Variants in CYFIP1 observed in about 807,000 individuals in gnomAD.
CYFIP1 encodes the protein cytoplasmic FMR1 interacting protein 1.
CYFIP1 carries 58 observed loss-of-function variants against 163.5 expected under a neutral mutation model. The observed-to-expected ratio is 0.35, with a 90% CI of 0.29 to 0.44. The LOEUF is 0.44. CYFIP1 is among the 20% of genes least tolerant of loss of function. The pLI is 1.00. For synonymous variants in CYFIP1, 663 were observed against 660.7 expected (o/e 1.00, Z -0.05); for missense variants, 1,338 against 1,653.8 (o/e 0.81, Z 3.31).
intron 1 of CYFIP1, among the ~76,000 whole-genome samples, chr15:22,968,255 G>A (rs1171148657): frequency 2.0e-5 from 3 of 152,146 alleles, no homozygotes; most frequent in African/African-American, 7.2e-5. Flanking sequence ...CCAGTTTTTG[G>A]TCCAACTCCA....
At position 22,933,827 on chromosome 15, in the gene CYFIP1, C is replaced by T. The variant is rs778294512; in HGVS notation, c.967G>A (p.Ala323Thr). The part of the protein sequence containing the change: ...IELARYIKTS[A>T]HYEENKSRWT... ...CGAGATTTATTTTCCTCGTAGTGGG[C>T]GCTGGTCTTGATATATCTTGCCAGT... Residue 323 changes from alanine to threonine, a missense_variant, in exon 10 of 31, where the codon GCC becomes ACC. Around this residue, in one of 4 missense-constraint regions of CYFIP1, gnomAD observed 824 missense variants for 995.7 expected, o/e 0.83. Transcript: ENST00000617928. 15 of 1,613,116 alleles carry T rather than the reference C, an allele frequency of 9.3e-6. No homozygotes were observed. Among genetic ancestry groups the T allele is most frequent in the South Asian group, 4.4e-5 (4 of 90,944 alleles).
chr15:22,875,371 A>G, intron 26 of CYFIP1, 100 bp from the exon 27 acceptor site: 1 of 967,966 alleles, frequency 1.0e-6, no homozygotes, highest in South Asian at 1.3e-5. Flanking sequence ...AGCATAAAAT[A>G]AACTCTGTAA....
chr15:22,952,659 C>CAAAAAAAAAAAAAAAAAAAAAAAA lies in CYFIP1; in HGVS notation c.-6-5369_-6-5368insTTTTTTTTTTTTTTTTTTTTTTTT, dbSNP rs3083512. On this transcript the variant is annotated intron_variant, in intron 1 of 30. Transcript: ENST00000617928. Reference sequence around the variant, plus strand: ...GACAGAGTGAGGTGAGACTCCATCTCAAAAAAAAAAAAAAAAGGTAAACAT... The same window carrying CAAAAAAAAAAAAAAAAAAAAAAAA: ...GACAGAGTGAGGTGAGACTCCATCTCAAAAAAAAAAAAAAAAAAAAAAAAAAAAAAAAAAAAAAAAGGTAAACAT... Among the ~76,000 whole-genome samples, 21 of 45,676 alleles carry CAAAAAAAAAAAAAAAAAAAAAAAA rather than the reference C, an allele frequency of 4.6e-4. 2 individuals are homozygous for CAAAAAAAAAAAAAAAAAAAAAAAA. Among genetic ancestry groups the CAAAAAAAAAAAAAAAAAAAAAAAA allele is most frequent in the African/African-American group, 1.9e-3 (19 of 9,946 alleles). 30.0% of individuals were successfully genotyped at this position (45,676 alleles called of 152,430 possible). A position where few individuals can be genotyped will look rare whatever the true frequency, so the allele number is the denominator to read the frequency against.
intron 30 of CYFIP1, 26 bp from the exon 31 acceptor site, chr15:22,870,218 T>A: frequency 1.9e-6 from 3 of 1,592,938 alleles, no homozygotes; most frequent in Non-Finnish European, 2.6e-6. Context: ...TGAGGATGTT[T>A]TACTATTAAC....
At chr15:22,876,640 T>G (rs1341013728) in intron 26 of CYFIP1, among the ~76,000 whole-genome samples, 2 of 152,016 alleles carry the variant, frequency 1.3e-5, no homozygotes, top group Admixed American at 1.3e-4. Flanking sequence ...AAGACCAGCC[T>G]GACCAACATG....
rs138242485 is a variant in CYFIP1 at position 22,942,769 on chromosome 15, G to A, written c.569+404C>T. Among the ~76,000 whole-genome samples, 162 of 152,282 alleles carry A rather than the reference G, an allele frequency of 1.1e-3. 2 individuals carry two copies. The East Asian group carries it at 0.012, about 11-fold the overall frequency. On this transcript the variant is annotated intron_variant, in intron 6 of 30. Coordinates refer to ENST00000617928, the MANE Select transcript of CYFIP1 (RefSeq NM_014608.6). Reference sequence around the variant, plus strand: ...TGGGGACCCCCGCTGGCGAGTGACCGGCACCGAGGACTGCAGCCCCAACGC... The same window carrying A: ...TGGGGACCCCCGCTGGCGAGTGACCAGCACCGAGGACTGCAGCCCCAACGC...
At chr15:22,873,072 A>C in intron 29 of CYFIP1, 100 bp from the exon 30 acceptor site, 1 of 1,330,612 alleles carries the variant, frequency 7.5e-7, no homozygotes, top group South Asian at 1.4e-5. Context: ...CATCTGCATT[A>C]CTGTCTGTGC....
intron 11 of CYFIP1, 129 bp downstream of exon 11, chr15:22,932,092 CCT>C (rs1463359517): frequency 4.7e-6 from 3 of 642,736 alleles, no homozygotes; most frequent in Non-Finnish European, 8.0e-6. Flanking sequence ...AGAACCTGTC[CCT>C]GTCATTATGT....
intron 26 of CYFIP1, among the ~76,000 whole-genome samples, chr15:22,878,304 G>A (rs963542307): frequency 2.0e-5 from 3 of 152,132 alleles, no homozygotes; most frequent in East Asian, 3.9e-4. Flanking sequence ...TTAGAGCAAC[G>A]ATGAGCAAGA....
chr15:22,945,119 C>A (rs2062016347), intron 3 of CYFIP1, among the ~76,000 whole-genome samples, 180 bp from the exon 4 acceptor site: 1 of 152,158 alleles, frequency 6.6e-6, no homozygotes, highest in Admixed American at 6.5e-5. Context: ...CCACAATGAC[C>A]ACCCAAAACA....
intron 15 of CYFIP1, 122 bp from the exon 16 acceptor site, chr15:22,916,752 A>G (rs376305169): frequency 1.5e-5 from 24 of 1,610,234 alleles, no homozygotes; most frequent in Non-Finnish European, 1.9e-5. Flanking sequence ...AGGGCCCCGC[A>G]CCAGCTCCCC....
intron 22 of CYFIP1, among the ~76,000 whole-genome samples, chr15:22,897,837 G>C (rs899671087): frequency 6.6e-6 from 1 of 152,202 alleles, no homozygotes; most frequent in Admixed American, 6.5e-5. Context: ...TCCTGGCCTT[G>C]TGTGAACGCT....
At chr15:22,955,892 C>CATGATTCA (rs11280843) in intron 1 of CYFIP1, among the ~76,000 whole-genome samples, 70,383 of 151,778 alleles carry the variant, frequency 0.46, 16,610 homozygotes, top group Middle Eastern at 0.59. Flanking sequence ...TGCTTCAAAA[C>CATGATTCA]AAAGAACAGT....
chr15:22,948,347 G>T (rs921942059), intron 1 of CYFIP1, among the ~76,000 whole-genome samples: 1 of 152,146 alleles, frequency 6.6e-6, no homozygotes, highest in African/African-American at 2.4e-5. Flanking sequence ...AGCCACCAGC[G>T]GCACACAGGG....
intron 13 of CYFIP1, among the ~76,000 whole-genome samples, chr15:22,923,957 A>AAAAAAAAAAAAAAG (rs1555410523): frequency 6.6e-6 from 1 of 150,616 alleles, no homozygotes; most frequent in African/African-American, 2.5e-5. Context: ...AAAAAAAAAA[A>AAAAAAAAAAAAAAG]AAAAAAAACA....
rs905365517 is a variant in CYFIP1 at position 22,869,272 on chromosome 15, C to A, written c.*756G>T. ...CAGCCAACACGGCCGTTTTACACCT[C>A]ATTTGCCTGCGGAACCCTAAATATA... On this transcript the variant is annotated 3_prime_UTR_variant, in exon 31 of 31. Transcript: ENST00000617928. The A allele has an allele frequency of 6.6e-6, 1 of 151,968 alleles. No individual in the cohort carries two copies. Among genetic ancestry groups the A allele is most frequent in the African/African-American group, 2.4e-5 (1 of 41,244 alleles). The allele number at this position is 151,968 out of a possible 1,614,324, so 9.4% of individuals were successfully genotyped here. A position where few individuals can be genotyped will look rare whatever the true frequency, so the allele number is the denominator to read the frequency against.
chr15:22,946,514 G>A (rs1343189308), intron 3 of CYFIP1, among the ~76,000 whole-genome samples: 1 of 151,998 alleles, frequency 6.6e-6, no homozygotes, highest in Non-Finnish European at 1.5e-5. Flanking sequence ...AGTGGTGGGC[G>A]CCAGTAGTCC....
intron 17 of CYFIP1, among the ~76,000 whole-genome samples, chr15:22,914,363 C>G (rs1172401494): frequency 6.6e-6 from 1 of 152,050 alleles, no homozygotes; most frequent in Non-Finnish European, 1.5e-5. Flanking sequence ...AGTCTGACAC[C>G]AAGAAACTGG....
At chr15:22,905,318 T>C (rs747432372) in intron 21 of CYFIP1, 1 of 152,192 alleles carries the variant, frequency 6.6e-6, no homozygotes, top group East Asian at 1.9e-4. Flanking sequence ...TTTCTTGAAA[T>C]AGATGCCAGT....
Sources: allele counts gnomAD v4.1 joint callset (sites outside exome capture counted in the v4.1 genomes callset), GRCh38; gene constraint gnomAD v4.1.1; regional missense constraint gnomAD v4.1.1; transcripts MANE v1.5; gene names NCBI Gene and HGNC (gene_info 2026-07-23, HGNC 2026-07-21).